IMMP2L: variants seen among roughly 807,000 people sequenced by gnomAD.
IMMP2L encodes mitochondrial inner membrane protease subunit 2.
In IMMP2L, 18 loss-of-function variants were observed where a neutral mutation model predicts 19.3. The observed-to-expected ratio is 0.93, with a 90% CI of 0.64 to 1.38. The LOEUF is 1.38. IMMP2L is among the 40% of genes most tolerant of loss of function. The pLI is 0.00. For synonymous variants in IMMP2L, 76 were observed against 73.0 expected (o/e 1.04, Z -0.21); for missense variants, 233 against 218.2 (o/e 1.07, Z -0.43).
intron 3 of IMMP2L, among the ~76,000 whole-genome samples, chr7:111,165,056 TA>T (rs1224743129): frequency 4.0e-4 from 61 of 152,140 alleles, no homozygotes; most frequent in Non-Finnish European, 8.4e-4. Flanking sequence ...CTGTACCCAT[TA>T]AACAGTAATT....
At chr7:111,012,455 C>T (rs1384005245) in intron 3 of IMMP2L, among the ~76,000 whole-genome samples, 4 of 152,092 alleles carry the variant, frequency 2.6e-5, no homozygotes, top group African/African-American at 9.7e-5. Context: ...AGTTCCTCTA[C>T]ATTATACTTT....
chr7:111,289,739 C>A (rs1820883139), intron 3 of IMMP2L, among the ~76,000 whole-genome samples: 1 of 151,844 alleles, frequency 6.6e-6, no homozygotes. Flanking sequence ...CTCTGCCACC[C>A]AGGCTGGAGT....
chr7:110,784,124 A>G (rs1799917217), intron 5 of IMMP2L, among the ~76,000 whole-genome samples: 1 of 151,910 alleles, frequency 6.6e-6, no homozygotes, highest in African/African-American at 2.4e-5. Flanking sequence ...GATAACAAGA[A>G]TACAATAAGT....
intron 5 of IMMP2L, among the ~76,000 whole-genome samples, chr7:110,677,964 G>A (rs563795739): frequency 6.6e-6 from 1 of 152,182 alleles, no homozygotes; most frequent in East Asian, 1.9e-4. Flanking sequence ...TGATAGTTCT[G>A]GAAGCATGCT....
At chr7:111,261,278 A>C (rs553363987) in intron 3 of IMMP2L, among the ~76,000 whole-genome samples, 1 of 152,184 alleles carries the variant, frequency 6.6e-6, no homozygotes, top group African/African-American at 2.4e-5. Context: ...TATATTCACC[A>C]ACACCTCCCC....
chr7:110,920,303 T>A (rs1814125011), intron 4 of IMMP2L, among the ~76,000 whole-genome samples: 1 of 152,154 alleles, frequency 6.6e-6, no homozygotes, highest in Admixed American at 6.5e-5. Flanking sequence ...ACAGTAGGTT[T>A]CTCCTTTCCA....
chr7:110,890,899 CA>C (rs1810722182), intron 4 of IMMP2L, among the ~76,000 whole-genome samples: 1 of 151,930 alleles, frequency 6.6e-6, no homozygotes, highest in Non-Finnish European at 1.5e-5. Flanking sequence ...CGGGTGAATA[CA>C]AAAGTATTGT....
intron 5 of IMMP2L, among the ~76,000 whole-genome samples, chr7:110,882,836 C>A (rs1304046020): frequency 6.6e-6 from 1 of 151,018 alleles, no homozygotes; most frequent in Non-Finnish European, 1.5e-5. Context: ...TGACTAGATA[C>A]TAAATTGCTT....
intron 5 of IMMP2L, among the ~76,000 whole-genome samples, chr7:110,765,613 G>A (rs1798609321): frequency 6.6e-6 from 1 of 152,044 alleles, no homozygotes; most frequent in Non-Finnish European, 1.5e-5. Context: ...GTAATGGCTA[G>A]GTCATAACTA....
intron 2 of IMMP2L, among the ~76,000 whole-genome samples, chr7:111,488,751 C>T (rs146129366): frequency 2.1e-4 from 32 of 152,078 alleles, no homozygotes; most frequent in African/African-American, 6.5e-4. Flanking sequence ...AACGGTTGAT[C>T]GACTTTAGTT....
chr7:110,968,406 C>A (rs1819785190), intron 3 of IMMP2L, among the ~76,000 whole-genome samples: 1 of 152,096 alleles, frequency 6.6e-6, no homozygotes. Flanking sequence ...GGTGCAGTGG[C>A]ACATGCCTGT....
chr7:111,499,370 C>T (rs563743405), intron 2 of IMMP2L, among the ~76,000 whole-genome samples: 2 of 152,098 alleles, frequency 1.3e-5, no homozygotes, highest in East Asian at 1.9e-4. Flanking sequence ...GAATCATATC[C>T]CTCACATATG....
chr7:111,052,739 G>T (rs1485666010), intron 3 of IMMP2L, among the ~76,000 whole-genome samples: 2 of 152,096 alleles, frequency 1.3e-5, no homozygotes, highest in African/African-American at 4.8e-5. Context: ...TATAGAGTTT[G>T]ACTTTTTTTT....
intron 3 of IMMP2L, among the ~76,000 whole-genome samples, chr7:111,427,154 T>A (rs1836161909): frequency 6.9e-6 from 1 of 145,096 alleles, no homozygotes; most frequent in African/African-American, 2.5e-5. Flanking sequence ...TTATCATTTA[T>A]CTGTTAGTGG....
chr7:111,283,970 CAAAAAAAAAAA>C (rs972346409), intron 3 of IMMP2L, among the ~76,000 whole-genome samples: 11 of 48,618 alleles, frequency 2.3e-4, no homozygotes, highest in African/African-American at 3.6e-4. Flanking sequence ...GACTCCGTCT[CAAAAAAAAAAA>C]AAAAAAAAAA....
chr7:111,117,721 T>C (rs1405571602), intron 3 of IMMP2L, among the ~76,000 whole-genome samples: 1 of 152,008 alleles, frequency 6.6e-6, no homozygotes, highest in African/African-American at 2.4e-5. Flanking sequence ...AGTTAGATAG[T>C]GGGAGAATAG....
chr7:111,547,203 C>G (rs924758764), intron 1 of IMMP2L, among the ~76,000 whole-genome samples: 1 of 152,186 alleles, frequency 6.6e-6, no homozygotes, highest in African/African-American at 2.4e-5. Flanking sequence ...ATCAAATATA[C>G]TCTTATTTAT....
At chr7:110,824,928 T>C (rs913398670) in intron 5 of IMMP2L, among the ~76,000 whole-genome samples, 1 of 152,320 alleles carries the variant, frequency 6.6e-6, no homozygotes, top group African/African-American at 2.4e-5. Flanking sequence ...CATGATTGTA[T>C]ATCTAGAAAA....
chr7:111,167,144 T>A (rs1805911329), intron 3 of IMMP2L, among the ~76,000 whole-genome samples: 1 of 151,946 alleles, frequency 6.6e-6, no homozygotes, highest in South Asian at 2.1e-4. Context: ...ATTTACCACT[T>A]TACAATTTTC....
Sources: gnomAD v4.1 joint callset for allele counts (sites outside exome capture counted in the v4.1 genomes callset) on GRCh38, gnomAD v4.1.1 for gene constraint, MANE v1.5 for transcripts, NCBI Gene and HGNC (gene_info 2026-07-23, HGNC 2026-07-21) for gene names.